ARHGAP15: variants seen among roughly 807,000 people sequenced by gnomAD.
ARHGAP15 encodes the protein Rho GTPase activating protein 15.
Under a neutral mutation model 63.7 loss-of-function variants are expected in ARHGAP15, and 51 were observed. That is an observed-to-expected ratio of 0.80 (90% CI 0.64 to 1.01). The LOEUF (loss-of-function observed/expected upper bound fraction) is 1.01. Among genes scored for constraint, ARHGAP15 ranks in the 50% least tolerant of loss-of-function variants. ARHGAP15 has a pLI of 0.00. For missense variants in ARHGAP15, 560 were observed against 564.6 expected (o/e 0.99, Z 0.08); for synonymous variants, 191 against 193.8 (o/e 0.99, Z 0.12).
chr2:143,439,169 T>C (rs1315772375), intron 8 of ARHGAP15, among the ~76,000 whole-genome samples: 4 of 152,044 alleles, frequency 2.6e-5, no homozygotes, highest in Non-Finnish European at 4.4e-5. Context: ...ATGCCTGTAA[T>C]CCCAGCACTT....
At chr2:143,279,067 T>C (rs1195501958) in intron 6 of ARHGAP15, among the ~76,000 whole-genome samples, 1 of 152,166 alleles carries the variant, frequency 6.6e-6, no homozygotes, top group Non-Finnish European at 1.5e-5. Context: ...TAATAATACC[T>C]GCCCCCTATC....
intron 12 of ARHGAP15, among the ~76,000 whole-genome samples, chr2:143,700,687 AGTGTGT>A (rs377690137): frequency 1.4e-5 from 2 of 147,140 alleles, no homozygotes; most frequent in African/African-American, 4.9e-5. Context: ...TATATATATG[AGTGTGT>A]GTGTGTGTGT....
At chr2:143,686,591 A>T (rs1297978914) in intron 12 of ARHGAP15, among the ~76,000 whole-genome samples, 1 of 152,032 alleles carries the variant, frequency 6.6e-6, no homozygotes. Flanking sequence ...TGAAAATTAA[A>T]TGACTGTTTT....
chr2:143,422,149 A>T (rs1457453561), intron 6 of ARHGAP15, among the ~76,000 whole-genome samples: 1 of 152,166 alleles, frequency 6.6e-6, no homozygotes, highest in East Asian at 1.9e-4. Context: ...ACTCAGTGAA[A>T]TATGAATCCA....
At chr2:143,616,015 A>AT (rs956013591) in intron 11 of ARHGAP15, among the ~76,000 whole-genome samples, 32 of 151,714 alleles carry the variant, frequency 2.1e-4, no homozygotes, top group African/African-American at 5.8e-4. Flanking sequence ...AAATACATCA[A>AT]TTTTTTTTTA....
intron 8 of ARHGAP15, among the ~76,000 whole-genome samples, chr2:143,439,024 G>GA (rs994336598): frequency 3.0e-4 from 46 of 150,946 alleles, no homozygotes; most frequent in Non-Finnish European, 5.2e-4. Flanking sequence ...AGATGCTGCT[G>GA]AAAAAAAAAT....
At chr2:143,510,402 G>T (rs992619773) in intron 9 of ARHGAP15, among the ~76,000 whole-genome samples, 9 of 152,118 alleles carry the variant, frequency 5.9e-5, no homozygotes, top group African/African-American at 1.9e-4. Context: ...AGTCTAGAGC[G>T]ATTGATGACT....
chr2:143,170,989 AG>A (rs1233579858), intron 2 of ARHGAP15, among the ~76,000 whole-genome samples: 1 of 152,154 alleles, frequency 6.6e-6, no homozygotes, highest in Non-Finnish European at 1.5e-5. Context: ...TTAGAATATT[AG>A]GTGGCTAGTA....
intron 2 of ARHGAP15, among the ~76,000 whole-genome samples, chr2:143,176,891 T>A (rs1176744533): frequency 6.6e-6 from 1 of 152,176 alleles, no homozygotes; most frequent in African/African-American, 2.4e-5. Flanking sequence ...GGTTGCAGAT[T>A]GGAGGGGGCT....
chr2:143,277,326 A>C (rs1160962548), intron 6 of ARHGAP15, among the ~76,000 whole-genome samples: 2 of 151,980 alleles, frequency 1.3e-5, no homozygotes, highest in Non-Finnish European at 2.9e-5. Context: ...ACTGGCAGAC[A>C]TGACTTGTTT....
At chr2:143,189,128 C>T (rs985909098) in intron 2 of ARHGAP15, among the ~76,000 whole-genome samples, 2 of 152,154 alleles carry the variant, frequency 1.3e-5, no homozygotes, top group African/African-American at 4.8e-5. Flanking sequence ...AATATTTTCT[C>T]CTCAAATTTT....
At chr2:143,250,423 T>C in intron 5 of ARHGAP15, 88 bp from the exon 6 acceptor site, 2 of 991,994 alleles carry the variant, frequency 2.0e-6, no homozygotes, top group Non-Finnish European at 3.1e-6. Context: ...TAAATATGTA[T>C]AGCTGCTAAC....
At chr2:143,634,276 A>G (rs553718000) in intron 12 of ARHGAP15, among the ~76,000 whole-genome samples, 1 of 152,024 alleles carries the variant, frequency 6.6e-6, no homozygotes, top group Non-Finnish European at 1.5e-5. Context: ...TCCTCAGGGA[A>G]GTCTCTCATC....
chr2:143,738,352 A>G (rs1267079374), intron 13 of ARHGAP15, among the ~76,000 whole-genome samples: 1 of 152,184 alleles, frequency 6.6e-6, no homozygotes, highest in Non-Finnish European at 1.5e-5. Context: ...GGAGTCATTT[A>G]GCGTTCTTAC....
intron 8 of ARHGAP15, 25 bp from the exon 9 acceptor site, chr2:143,487,348 G>A: frequency 1.9e-6 from 3 of 1,582,568 alleles, no homozygotes; most frequent in African/African-American, 2.7e-5. Flanking sequence ...TTTACCAAAA[G>A]CCTCTGATTT....
intron 6 of ARHGAP15, among the ~76,000 whole-genome samples, chr2:143,373,465 C>G (rs550259317): frequency 4.0e-5 from 6 of 151,856 alleles, no homozygotes; most frequent in African/African-American, 1.4e-4. Context: ...ATCATCTCTA[C>G]TAAAAATACA....
chr2:143,607,573 G>GAA (rs1340482414), intron 11 of ARHGAP15: 2 of 151,184 alleles, frequency 1.3e-5, no homozygotes, highest in Non-Finnish European at 2.9e-5. Context: ...GAGAGAGAGA[G>GAA]ACAGAGAGAG....
At chr2:143,685,620 C>T (rs928547638) in intron 12 of ARHGAP15, among the ~76,000 whole-genome samples, 4 of 152,130 alleles carry the variant, frequency 2.6e-5, no homozygotes, top group Non-Finnish European at 4.4e-5. Flanking sequence ...GGATACAGAG[C>T]GCTTGACAGG....
At chr2:143,330,094 C>CAAAAAAAAAAAAAA (rs1303438123) in intron 6 of ARHGAP15, among the ~76,000 whole-genome samples, 11 of 1,666 alleles carry the variant, frequency 6.6e-3, no homozygotes, top group South Asian at 0.083. Flanking sequence ...GGCTCTGTCT[C>CAAAAAAAAAAAAAA]AAAAAAAAAA....
Sources: gnomAD v4.1 joint callset for allele counts (sites outside exome capture counted in the v4.1 genomes callset) on GRCh38, gnomAD v4.1.1 for gene constraint, MANE v1.5 for transcripts, NCBI Gene and HGNC (gene_info 2026-07-23, HGNC 2026-07-21) for gene names.